COL19A1: variants seen among roughly 807,000 people sequenced by gnomAD.
COL19A1 encodes collagen alpha-1(XIX) chain.
In COL19A1, 159 loss-of-function variants were observed where a neutral mutation model predicts 190.2. That is an observed-to-expected ratio of 0.84 (90% CI 0.73 to 0.95). COL19A1 has a LOEUF of 0.95. COL19A1 is among the 40% of genes least tolerant of loss of function. The pLI, the probability that COL19A1 is intolerant of heterozygous loss-of-function variation, is 0.00. For synonymous variants in COL19A1, 509 were observed against 458.9 expected (o/e 1.11, Z -1.39); for missense variants, 1,418 against 1,431.9 (o/e 0.99, Z 0.16).
intron 49 of COL19A1, among the ~76,000 whole-genome samples, chr6:70,200,999 C>G (rs796645439): frequency 1.3e-5 from 2 of 152,192 alleles, no homozygotes; most frequent in African/African-American, 4.8e-5. Flanking sequence ...AAGTAGCCCT[C>G]TATGTATACA....
intron 17 of COL19A1, 65 bp from the exon 18 acceptor site, chr6:70,130,117 C>G (rs755645496): frequency 3.5e-5 from 55 of 1,557,952 alleles, no homozygotes; most frequent in Non-Finnish European, 4.6e-5. Flanking sequence ...TATACTGTTA[C>G]AGATTGAATG....
chr6:69,955,951 G>A (rs911012099), intron 9 of COL19A1, among the ~76,000 whole-genome samples: 20 of 152,014 alleles, frequency 1.3e-4, no homozygotes, highest in African/African-American at 4.3e-4. Flanking sequence ...AAATTAAGCA[G>A]CAAAAGTATT....
chr6:69,951,562 T>G (rs2150035381), intron 9 of COL19A1, among the ~76,000 whole-genome samples: 1 of 152,020 alleles, frequency 6.6e-6, no homozygotes, highest in South Asian at 2.1e-4. Flanking sequence ...GTCACATATC[T>G]TATGTAACCT....
chr6:70,054,226 T>TGTAATC (rs1354925814), intron 14 of COL19A1, among the ~76,000 whole-genome samples: 3 of 152,154 alleles, frequency 2.0e-5, no homozygotes, highest in Admixed American at 2.0e-4. Flanking sequence ...GGTGGGCATC[T>TGTAATC]GTAATCCCAG....
intron 13 of COL19A1, among the ~76,000 whole-genome samples, chr6:70,035,101 T>A (rs3805991): frequency 0.59 from 89,539 of 152,072 alleles, 26,888 homozygotes; most frequent in African/African-American, 0.71. Context: ...AAGATACTCA[T>A]TGTGAGACTA....
intron 11 of COL19A1, among the ~76,000 whole-genome samples, chr6:69,976,814 A>C (rs1335091024): frequency 6.6e-6 from 1 of 152,240 alleles, no homozygotes; most frequent in Non-Finnish European, 1.5e-5. Flanking sequence ...AAAACACTCA[A>C]GGGAGACAAT....
Position 70,009,348 on chromosome 6 carries a change from G to A in COL19A1, c.1027-14279G>A, listed in dbSNP as rs192544091. ...ATATACAAATTTTTATTTGATTTCC[G>A]TATACAAGCAACAATCAATCAAAAA... On this transcript the variant is annotated intron_variant, in intron 11 of 50. Transcript: ENST00000620364. Among the ~76,000 whole-genome samples, 59 of 152,050 alleles carry A rather than the reference G, an allele frequency of 3.9e-4. No individual in the cohort carries two copies. In the East Asian group the frequency reaches 4.4e-3, roughly 11 times the overall value.
At chr6:69,979,100 T>C (rs1007035779) in intron 11 of COL19A1, among the ~76,000 whole-genome samples, 3 of 151,934 alleles carry the variant, frequency 2.0e-5, no homozygotes, top group Non-Finnish European at 4.4e-5. Flanking sequence ...TACCATTGAA[T>C]AAAGCACCAG....
chr6:70,137,692 C>G lies in COL19A1; in HGVS notation c.1391C>G (p.Thr464Ser). The G allele has an allele frequency of 2.5e-6, 4 of 1,613,284 alleles. No individual in the cohort carries two copies. The highest frequency in any genetic ancestry group is 3.4e-6 in the Non-Finnish European group (4 of 1,179,410). The part of the protein sequence containing the change: ...AGGLKGDKGE[T>S]GLPGFPGSVG... Reference sequence around the variant, plus strand: ...TCTGCTTTGTCTTGAAAGGGTGAAACTGGACTACCAGGATTTCCAGGGTCT... The same window carrying G: ...TCTGCTTTGTCTTGAAAGGGTGAAAGTGGACTACCAGGATTTCCAGGGTCT... The change falls in exon 19 of 51, where the codon ACT becomes AGT. Residue 464 changes from threonine (T) to serine (S), a missense_variant. Transcript: ENST00000620364.
chr6:69,948,587 G>A (rs1348968500), intron 9 of COL19A1, among the ~76,000 whole-genome samples: 2 of 151,710 alleles, frequency 1.3e-5, no homozygotes, highest in Non-Finnish European at 3.0e-5. Context: ...GGCCATGATA[G>A]TAAGAAAACA....
intron 15 of COL19A1, among the ~76,000 whole-genome samples, chr6:70,097,599 T>C (rs1783362479): frequency 6.6e-6 from 1 of 152,128 alleles, no homozygotes; most frequent in African/African-American, 2.4e-5. Flanking sequence ...ATGCTCAGGT[T>C]TGAGCCCTCC....
chr6:70,046,429 C>A (rs1779921402), intron 14 of COL19A1, among the ~76,000 whole-genome samples: 1 of 152,172 alleles, frequency 6.6e-6, no homozygotes, highest in Admixed American at 6.5e-5. Flanking sequence ...ATTCAACTCT[C>A]ATTGCATTTC....
intron 15 of COL19A1, among the ~76,000 whole-genome samples, chr6:70,081,043 T>C (rs1782215632): frequency 6.6e-6 from 1 of 152,144 alleles, no homozygotes; most frequent in African/African-American, 2.4e-5. Flanking sequence ...TAATTTAATA[T>C]CAAAAATGGT....
At chr6:70,146,568 G>T (rs1786661988) in intron 25 of COL19A1, 91 bp from the exon 26 acceptor site, 3 of 908,268 alleles carry the variant, frequency 3.3e-6, no homozygotes, top group Admixed American at 2.8e-5. Flanking sequence ...CAAGCAAGAT[G>T]AAGAGTGATG....
intron 11 of COL19A1, among the ~76,000 whole-genome samples, chr6:70,008,829 C>G (rs1458497112): frequency 6.6e-6 from 1 of 151,748 alleles, no homozygotes; most frequent in Non-Finnish European, 1.5e-5. Context: ...AATCCAATAA[C>G]ATATAGAAAC....
Position 69,921,648 on chromosome 6 carries a change from AGATTCGTATATATTCGTATGT to A in COL19A1, c.267-6260_267-6240del, listed in dbSNP as rs1400435179. 5.5e-3 allele frequency among the ~76,000 whole-genome samples: 751 copies of A among 135,824 alleles called. 6 individuals carry two copies. The highest frequency in any genetic ancestry group is 0.017 in the African/African-American group (643 of 36,752). 89.1% of individuals were successfully genotyped at this position (135,824 alleles called of 152,430 possible). ...TATAGATTCGTATATATTCGTATAT[AGATTCGTATATATTCGTATGT>A]AGATTCGTATATATTCGTATGTAGA... On this transcript the variant is annotated intron_variant, in intron 4 of 50. Transcript: ENST00000620364.
intron 2 of COL19A1, among the ~76,000 whole-genome samples, chr6:69,885,375 G>T (rs1768848810): frequency 6.6e-6 from 1 of 152,138 alleles, no homozygotes; most frequent in South Asian, 2.1e-4. Flanking sequence ...AAATTTTATT[G>T]TGTATATTTG....
At chr6:70,118,728 T>C (rs1220681716) in intron 16 of COL19A1, among the ~76,000 whole-genome samples, 1 of 152,232 alleles carries the variant, frequency 6.6e-6, no homozygotes, top group Non-Finnish European at 1.5e-5. Context: ...AAGTAATTTT[T>C]ATGGGTTTAT....
At chr6:70,121,775 C>T in intron 16 of COL19A1, 105 bp from the exon 17 acceptor site, 2 of 721,760 alleles carry the variant, frequency 2.8e-6, no homozygotes, top group East Asian at 3.0e-5. Context: ...TAGACAAGTC[C>T]TTTTTCTTCA....
Sources: gnomAD v4.1 joint callset for allele counts (sites outside exome capture counted in the v4.1 genomes callset) on GRCh38, gnomAD v4.1.1 for gene constraint, MANE v1.5 for transcripts, NCBI Gene and HGNC (gene_info 2026-07-23, HGNC 2026-07-21) for gene names.